Variants in PTPRD observed in about 807,000 individuals in gnomAD.
The protein encoded by PTPRD is receptor-type tyrosine-protein phosphatase delta.
In PTPRD, 34 loss-of-function variants were observed where a neutral mutation model predicts 214.5. That is an observed-to-expected ratio of 0.16 (90% CI 0.12 to 0.21). The LOEUF (loss-of-function observed/expected upper bound fraction) is 0.21, where lower values mean the gene tolerates loss of function less well. Ranked by LOEUF, PTPRD falls within the 10% of genes least tolerant of loss-of-function variation. The pLI is 1.00. For synonymous variants in PTPRD, 1,128 were observed against 845.7 expected, an observed-to-expected ratio of 1.33 and a Z score of -5.79; for missense variants, 2,545 against 2,398.7, an observed-to-expected ratio of 1.06 and a Z score of -1.27.
intron 3 of PTPRD, among the ~76,000 whole-genome samples, chr9:10,165,187 C>G (rs571772756): frequency 6.6e-6 from 1 of 151,660 alleles, no homozygotes. Flanking sequence ...CAAAAGATTA[C>G]CACCCTGTAA....
chr9:10,521,448 A>G (rs2052249984), intron 2 of PTPRD, among the ~76,000 whole-genome samples: 1 of 152,164 alleles, frequency 6.6e-6, no homozygotes, highest in South Asian at 2.1e-4. Context: ...ACATTTTTCA[A>G]AAGACAATAA....
intron 3 of PTPRD, among the ~76,000 whole-genome samples, chr9:10,044,082 A>G (rs1409679628): frequency 1.3e-5 from 2 of 151,754 alleles, no homozygotes; most frequent in African/African-American, 4.8e-5. Flanking sequence ...CATGAAAGAT[A>G]CCAGGGGAAG....
intron 7 of PTPRD, among the ~76,000 whole-genome samples, chr9:9,686,466 A>G (rs1474657063): frequency 6.6e-6 from 1 of 151,358 alleles, no homozygotes; most frequent in Non-Finnish European, 1.5e-5. Flanking sequence ...TACATTATAT[A>G]ATATTAATAA....
At chr9:8,427,048 G>A (rs1398082514) in intron 35 of PTPRD, among the ~76,000 whole-genome samples, 1 of 152,080 alleles carries the variant, frequency 6.6e-6, no homozygotes, top group Admixed American at 6.5e-5. Flanking sequence ...CCACTGGGAG[G>A]GGACTCTGTA....
intron 7 of PTPRD, among the ~76,000 whole-genome samples, chr9:9,615,612 T>C (rs759580730): frequency 2.6e-5 from 4 of 152,214 alleles, no homozygotes; most frequent in Non-Finnish European, 4.4e-5. Flanking sequence ...GTATGGTTTC[T>C]ATCTCCTAGT....
intron 12 of PTPRD, among the ~76,000 whole-genome samples, chr9:8,726,429 A>G (rs2098558386): frequency 6.6e-6 from 1 of 150,576 alleles, no homozygotes. Context: ...TCTACAAAAA[A>G]ATATAAAAAT....
intron 5 of PTPRD, among the ~76,000 whole-genome samples, chr9:9,932,489 G>A (rs1408104035): frequency 7.3e-6 from 1 of 137,808 alleles, no homozygotes; most frequent in Non-Finnish European, 1.5e-5. Flanking sequence ...AATGGAAGAT[G>A]AAATGAATGA....
At chr9:10,152,819 C>T (rs560295030) in intron 3 of PTPRD, among the ~76,000 whole-genome samples, 1 of 152,106 alleles carries the variant, frequency 6.6e-6, no homozygotes, top group East Asian at 1.9e-4. Context: ...GAGTGAACTC[C>T]CCCCCTACCC....
chr9:8,464,182 C>G (rs1258446699), intron 32 of PTPRD, among the ~76,000 whole-genome samples: 3 of 151,892 alleles, frequency 2.0e-5, no homozygotes, highest in African/African-American at 7.2e-5. Context: ...GATTTCTCTT[C>G]TTTGCTAGAT....
At chr9:10,175,730 T>A (rs546693624) in intron 3 of PTPRD, among the ~76,000 whole-genome samples, 59 of 151,940 alleles carry the variant, frequency 3.9e-4, no homozygotes, top group Non-Finnish European at 6.9e-4. Context: ...TTAAAGCAAA[T>A]CATTAAATTA....
intron 9 of PTPRD, among the ~76,000 whole-genome samples, chr9:9,286,529 C>G (rs969112570): frequency 6.6e-6 from 1 of 151,702 alleles, no homozygotes; most frequent in Non-Finnish European, 1.5e-5. Flanking sequence ...CACATTACTT[C>G]CTTTGATGAG....
At position 10,010,943 on chromosome 9, in the gene PTPRD, T is replaced by C. The variant is rs191842682; in HGVS notation, c.-472+22775A>G. Among the ~76,000 whole-genome samples, 371 of 152,006 alleles carry C rather than the reference T, an allele frequency of 2.4e-3. 2 individuals are homozygous for C. Among genetic ancestry groups the C allele is most frequent in the African/African-American group, 8.5e-3 (355 of 41,524 alleles). ...AATATTCTAGTGTTATCAGGAAAATTAGATCATAAAGTAATTATGGACAAG... is the reference window on the plus strand; with the variant it reads ...AATATTCTAGTGTTATCAGGAAAATCAGATCATAAAGTAATTATGGACAAG... On this transcript the variant is annotated intron_variant, in intron 4 of 45. Transcript: ENST00000381196.
At position 9,740,821 on chromosome 9, in the gene PTPRD, T is replaced by G. The variant is rs146030162; in HGVS notation, c.-325-6250A>C. ...GGGCTGTAAACTCACTAGTGGAAGC[T>G]ACCAGCTCTTCCAAGGAAAGTCAAC... On this transcript the variant is annotated intron_variant, in intron 6 of 45. Coordinates refer to ENST00000381196, the MANE Select transcript of PTPRD (RefSeq NM_002839.4). Among the ~76,000 whole-genome samples the G allele has an allele frequency of 4.7e-3, 713 of 152,312 alleles. 4 individuals are homozygous for G. The highest frequency in any genetic ancestry group is 0.016 in the African/African-American group (667 of 41,574).
intron 3 of PTPRD, among the ~76,000 whole-genome samples, chr9:10,167,023 G>A (rs907190847): frequency 1.6e-4 from 25 of 151,904 alleles, no homozygotes; most frequent in African/African-American, 6.0e-4. Context: ...TTCACTTTCA[G>A]AATTGTTATT....
chr9:10,478,202 G>A (rs915883660), intron 2 of PTPRD, among the ~76,000 whole-genome samples: 1 of 151,946 alleles, frequency 6.6e-6, no homozygotes, highest in African/African-American at 2.4e-5. Context: ...TGTTAAACTA[G>A]AAAAGTATAG....
Position 9,970,299 on chromosome 9 carries a change from C to A in PTPRD, c.-471-31689G>T, listed in dbSNP as rs572682843. On this transcript the variant is annotated intron_variant, in intron 4 of 45. Coordinates refer to ENST00000381196, the MANE Select transcript of PTPRD (RefSeq NM_002839.4). ...CCCCATCTCTACTAAAAGTACAAAA[C>A]ATTAGCCGGGCGTGGTGGCAGGCAC... Among the ~76,000 whole-genome samples, 7 of 151,446 alleles carry A rather than the reference C, an allele frequency of 4.6e-5. No homozygotes were observed. In the South Asian group the frequency reaches 1.5e-3, roughly 32 times the overall value.
At chr9:9,765,945 A>G (rs2098703640) in intron 6 of PTPRD, among the ~76,000 whole-genome samples, 1 of 152,168 alleles carries the variant, frequency 6.6e-6, no homozygotes, top group Non-Finnish European at 1.5e-5. Flanking sequence ...TACAGGCGTG[A>G]GCCACCGCGC....
chr9:9,847,643 AT>A (rs1442253341), intron 5 of PTPRD, among the ~76,000 whole-genome samples: 1 of 152,048 alleles, frequency 6.6e-6, no homozygotes, highest in Non-Finnish European at 1.5e-5. Flanking sequence ...CCATTATTCC[AT>A]TCCTTCTGTT....
intron 11 of PTPRD, among the ~76,000 whole-genome samples, chr9:8,951,517 T>A (rs1329325071): frequency 1.3e-5 from 2 of 152,058 alleles, no homozygotes; most frequent in Admixed American, 1.3e-4. Flanking sequence ...ATTTTTCTAC[T>A]TTGTTACCTA....
Sources: gnomAD v4.1 joint callset for allele counts (sites outside exome capture counted in the v4.1 genomes callset) on GRCh38, gnomAD v4.1.1 for gene constraint, MANE v1.5 for transcripts, NCBI Gene and HGNC (gene_info 2026-07-23, HGNC 2026-07-21) for gene names.